Variants in BTBD7 observed in about 807,000 individuals in gnomAD.
The protein encoded by BTBD7 is BTB domain containing 7.
A neutral mutation model predicts 99.9 loss-of-function variants in BTBD7; 38 were observed. That is an observed-to-expected ratio of 0.38 (90% CI 0.29 to 0.50). The LOEUF (loss-of-function observed/expected upper bound fraction) is 0.50, where lower values mean the gene tolerates loss of function less well. BTBD7 is among the 20% of genes least tolerant of loss of function. The probability of loss-of-function intolerance (pLI) is 0.93; values close to 1 mark genes in which losing one functional copy is unlikely to be tolerated. For synonymous variants in BTBD7, 520 were observed against 511.4 expected (o/e 1.02, Z -0.23); for missense variants, 1,170 against 1,394.6 (o/e 0.84, Z 2.57).
chr14:93,292,953 C>A lies in BTBD7; in HGVS notation c.1162+905G>T, dbSNP rs532481687. On this transcript the variant is annotated intron_variant, in intron 3 of 10. Transcript: ENST00000334746. ...CCTTATTTAAATTCATGTCTCTTACCCAAACCATTAATATTTTCTTCTAAC... is the reference window on the plus strand; with the variant it reads ...CCTTATTTAAATTCATGTCTCTTACACAAACCATTAATATTTTCTTCTAAC... Among the ~76,000 whole-genome samples the A allele has an allele frequency of 3.3e-4, 50 of 152,188 alleles. 2 individuals are homozygous for A. The South Asian group carries it at 0.01, about 32-fold the overall frequency.
intron 1 of BTBD7, among the ~76,000 whole-genome samples, chr14:93,307,352 A>G (rs1357697946): frequency 6.6e-6 from 1 of 152,086 alleles, no homozygotes; most frequent in East Asian, 1.9e-4. Flanking sequence ...ACAGGGCCTC[A>G]CTAATGTTGT....
At chr14:93,278,411 T>C (rs2052680184) in intron 3 of BTBD7, among the ~76,000 whole-genome samples, 3 of 152,132 alleles carry the variant, frequency 2.0e-5, no homozygotes, top group Admixed American at 2.0e-4. Flanking sequence ...TGAAACTCCA[T>C]ATATAAAAAA....
chr14:93,313,191 T>C (rs1291524265), intron 1 of BTBD7, among the ~76,000 whole-genome samples: 1 of 152,174 alleles, frequency 6.6e-6, no homozygotes, highest in Non-Finnish European at 1.5e-5. Context: ...CCTAAAATAG[T>C]TTTCAGAACT....
chr14:93,286,105 C>T (rs1022989561), intron 3 of BTBD7, among the ~76,000 whole-genome samples: 2 of 152,174 alleles, frequency 1.3e-5, no homozygotes, highest in African/African-American at 4.8e-5. Context: ...GGCCTTCTCT[C>T]CTTTTCCACT....
rs916857526 is a variant in BTBD7 at position 93,239,962 on chromosome 14, G to A, written c.*2311C>T. The stretch of plus-strand genomic sequence containing the variant: ...TACTTGCAGTACCGGCGCAGTACAT[G>A]AACATGTCAACATACATATGTGGCA... On this transcript the variant is annotated 3_prime_UTR_variant, in exon 11 of 11. Coordinates refer to ENST00000334746, the MANE Select transcript of BTBD7 (RefSeq NM_001002860.4). The A allele has an allele frequency of 6.6e-6, 1 of 152,086 alleles. No homozygotes were observed. Among genetic ancestry groups the A allele is most frequent in the Non-Finnish European group, 1.5e-5 (1 of 68,026 alleles). The allele number at this position is 152,086 out of a possible 1,614,324, so 9.4% of individuals were successfully genotyped here. A position where few individuals can be genotyped will look rare whatever the true frequency, so the allele number is the denominator to read the frequency against.
rs376946890 is a variant in BTBD7, at chr14:93,242,256, C to T, written c.*17G>A. 263 of 1,605,338 alleles carry T rather than the reference C, an allele frequency of 1.6e-4. No individual in the cohort carries two copies. The highest frequency in any genetic ancestry group is 2.0e-4 in the Non-Finnish European group (239 of 1,173,522). ...GGATGTTTCACATCTCAGGCACAGA[C>T]GACTTGGAGGTTGCTCTCAGAGGGC... is the stretch of plus-strand genomic sequence containing the variant. On this transcript the variant is annotated 3_prime_UTR_variant, in exon 11 of 11. Coordinates refer to ENST00000334746, the MANE Select transcript of BTBD7 (RefSeq NM_001002860.4).
At position 93,257,318 on chromosome 14, in the gene BTBD7, G is replaced by A. The variant is rs1173514752; in HGVS notation, c.1485C>T (p.Asn495=). The A allele has an allele frequency of 3.7e-6, 6 of 1,613,786 alleles. No homozygotes were observed. Among genetic ancestry groups the A allele is most frequent in the African/African-American group, 1.3e-5 (1 of 74,884 alleles). The part of the protein sequence containing the change: ...NLLSGTAHSV[N]KRGVKRRDLD... Reference sequence around the variant, plus strand: ...GGTCCCGTCTTTTTACACCTCTTTTGTTCACACTATGGGCAGTGCCACTCA... The same window carrying A: ...GGTCCCGTCTTTTTACACCTCTTTTATTCACACTATGGGCAGTGCCACTCA... The change falls in exon 6 of 11, where the codon AAC becomes AAT. Residue 495 remains asparagine (N), a synonymous_variant. Transcript: ENST00000334746.
chr14:93,286,492 G>A (rs2052779345), intron 3 of BTBD7, among the ~76,000 whole-genome samples: 1 of 152,138 alleles, frequency 6.6e-6, no homozygotes, highest in African/African-American at 2.4e-5. Context: ...CCAAGTCGGG[G>A]GTAATGATTT....
intron 8 of BTBD7, among the ~76,000 whole-genome samples, chr14:93,250,839 A>T (rs1231703387): frequency 6.6e-6 from 1 of 152,234 alleles, no homozygotes; most frequent in East Asian, 1.9e-4. Context: ...GGGAAATTGG[A>T]TCTCTAGGAA....
At position 93,281,005 on chromosome 14, in the gene BTBD7, G is replaced by A. The variant is rs145366359; in HGVS notation, c.1162+12853C>T. On this transcript the variant is annotated intron_variant, in intron 3 of 10. Transcript: ENST00000334746. ...CCACCACCACGCCCAGCTAATTTTT[G>A]TTTTGTTCTGTTTTTGAGACAGGGT... is the stretch of plus-strand genomic sequence containing the variant. Among the ~76,000 whole-genome samples, 812 of 151,850 alleles carry A rather than the reference G, an allele frequency of 5.3e-3. 12 individuals carry two copies. The highest frequency in any genetic ancestry group is 0.051 in the Middle Eastern group (15 of 294).
At chr14:93,327,567 G>T (rs1307769459) in intron 1 of BTBD7, among the ~76,000 whole-genome samples, 1 of 152,140 alleles carries the variant, frequency 6.6e-6, no homozygotes, top group Non-Finnish European at 1.5e-5. Context: ...ACCCACAAAT[G>T]ATTTTTCTTA....
At chr14:93,273,631 T>C (rs962459925) in intron 3 of BTBD7, among the ~76,000 whole-genome samples, 3 of 152,178 alleles carry the variant, frequency 2.0e-5, no homozygotes, top group East Asian at 1.9e-4. Flanking sequence ...CCTGAATTTT[T>C]TGGGCTAGGA....
At chr14:93,298,036 G>A (rs953539421) in intron 1 of BTBD7, among the ~76,000 whole-genome samples, 1 of 149,514 alleles carries the variant, frequency 6.7e-6, no homozygotes, top group Non-Finnish European at 1.5e-5. Context: ...TTTCAAGTTC[G>A]ATTATTATTT....
intron 8 of BTBD7, among the ~76,000 whole-genome samples, chr14:93,250,117 G>A (rs910905449): frequency 1.3e-5 from 2 of 152,174 alleles, no homozygotes; most frequent in African/African-American, 4.8e-5. Context: ...GCCAAGATAT[G>A]AGCCCCCTAA....
chr14:93,318,127 T>C (rs1232552931), intron 1 of BTBD7, among the ~76,000 whole-genome samples: 3 of 152,244 alleles, frequency 2.0e-5, no homozygotes, highest in Non-Finnish European at 4.4e-5. Flanking sequence ...CTGGGGGTGA[T>C]CTTGCGGATT....
intron 1 of BTBD7, among the ~76,000 whole-genome samples, chr14:93,322,610 T>C (rs1033465170): frequency 1.3e-5 from 2 of 152,158 alleles, no homozygotes; most frequent in African/African-American, 4.8e-5. Flanking sequence ...ATTTTCAAAG[T>C]GGATAGAGAA....
chr14:93,332,814 A>T lies in BTBD7; in HGVS notation c.-107+6T>A. On this transcript the variant is annotated splice_donor_region_variant and intron_variant, in intron 1 of 10. Coordinates refer to ENST00000334746, the MANE Select transcript of BTBD7 (RefSeq NM_001002860.4). Reference sequence around the variant, plus strand: ...CACAGCCTCAGAGACACCAAGGGACACTCACCCCGGAGGCTCCTCCCGCCG... The same window carrying T: ...CACAGCCTCAGAGACACCAAGGGACTCTCACCCCGGAGGCTCCTCCCGCCG... The T allele has an allele frequency of 6.8e-7, 1 of 1,475,270 alleles. No individual in the cohort carries two copies. Among genetic ancestry groups the T allele is most frequent in the Non-Finnish European group, 8.9e-7 (1 of 1,119,766 alleles). 91.4% of individuals were successfully genotyped at this position (1,475,270 alleles called of 1,614,324 possible).
At chr14:93,251,005 C>G (rs2139684276) in intron 8 of BTBD7, among the ~76,000 whole-genome samples, 1 of 152,340 alleles carries the variant, frequency 6.6e-6, no homozygotes, top group South Asian at 2.1e-4. Flanking sequence ...CTGAATTCCT[C>G]TAAACCAGTG....
intron 1 of BTBD7, chr14:93,332,220 C>T (rs1004946726): frequency 9.2e-5 from 14 of 152,308 alleles, no homozygotes; most frequent in African/African-American, 2.9e-4. Context: ...GCACAGCCTC[C>T]TCTTCTTTAT....
Sources: gnomAD v4.1 joint callset for allele counts (sites outside exome capture counted in the v4.1 genomes callset) on GRCh38, gnomAD v4.1.1 for gene constraint, MANE v1.5 for transcripts, NCBI Gene and HGNC (gene_info 2026-07-23, HGNC 2026-07-21) for gene names.